LPP: variants seen among roughly 807,000 people sequenced by gnomAD.
LPP encodes lipoma-preferred partner.
In LPP, 38 loss-of-function variants were observed where a neutral mutation model predicts 60.4. The ratio of observed to expected loss-of-function variants is 0.63; its 90% CI spans 0.49 to 0.83. The LOEUF (loss-of-function observed/expected upper bound fraction) is 0.83, where lower values mean the gene tolerates loss of function less well. LPP is among the 40% of genes least tolerant of loss of function. The pLI is 0.00. For missense variants in LPP, 902 were observed against 783.6 expected (o/e 1.15, Z -1.80); for synonymous variants, 328 against 290.8 (o/e 1.13, Z -1.30).
At chr3:188,625,859 A>T (rs547836842) in intron 7 of LPP, among the ~76,000 whole-genome samples, 1 of 152,318 alleles carries the variant, frequency 6.6e-6, no homozygotes, top group East Asian at 1.9e-4. Flanking sequence ...TGATTAAATG[A>T]TTCAAGTCTG....
Position 188,580,731 on chromosome 3 carries a change from A to G in LPP, c.430-28430A>G, listed in dbSNP as rs576670135. ...ATATGATGGATGATGGCTACAGAAA[A>G]TAGTGCCAGAAAAACAGAATCAGTA... On this transcript the variant is annotated intron_variant, in intron 6 of 11. Transcript: ENST00000617246. Among the ~76,000 whole-genome samples the G allele has an allele frequency of 6.6e-5, 10 of 152,348 alleles. No homozygotes were observed. In the East Asian group the frequency reaches 1.7e-3, roughly 26 times the overall value.
At chr3:188,760,409 G>GGTGTGTGTGTGTGTGTGTGTGTGT (rs3841956) in intron 9 of LPP, 127 bp downstream of exon 9, 3 of 602,708 alleles carry the variant, frequency 5.0e-6, no homozygotes, top group African/African-American at 3.9e-5. Context: ...GTGTGTGTGG[G>GGTGTGTGTGTGTGTGTGTGTGTGT]GTGTGTGTGT....
intron 6 of LPP, among the ~76,000 whole-genome samples, chr3:188,563,341 C>G (rs1338141187): frequency 6.6e-6 from 1 of 151,708 alleles, no homozygotes; most frequent in Non-Finnish European, 1.5e-5. Context: ...CCCTCAGTAC[C>G]CATTCATTTT....
intron 7 of LPP, among the ~76,000 whole-genome samples, chr3:188,617,503 A>G (rs931402928): frequency 2.6e-5 from 4 of 152,110 alleles, no homozygotes; most frequent in South Asian, 2.1e-4. Context: ...ATAATAGAAA[A>G]TGGTTCCGAT....
intron 8 of LPP, among the ~76,000 whole-genome samples, chr3:188,749,705 T>C (rs1312380805): frequency 6.6e-6 from 1 of 152,226 alleles, no homozygotes; most frequent in African/African-American, 2.4e-5. Context: ...GATAATTGTC[T>C]CATTTAGCTT....
intron 1 of LPP, among the ~76,000 whole-genome samples, chr3:188,196,278 A>G (rs926360317): frequency 6.6e-6 from 1 of 152,144 alleles, no homozygotes. Context: ...CCACACTCCT[A>G]CATGCCTTTT....
At chr3:188,547,205 G>A (rs993092437) in intron 6 of LPP, among the ~76,000 whole-genome samples, 1 of 152,160 alleles carries the variant, frequency 6.6e-6, no homozygotes, top group African/African-American at 2.4e-5. Flanking sequence ...AGGAAGGCAC[G>A]TAGATATGTT....
At chr3:188,619,405 CTG>C (rs1364846257) in intron 7 of LPP, among the ~76,000 whole-genome samples, 1 of 152,242 alleles carries the variant, frequency 6.6e-6, no homozygotes, top group African/African-American at 2.4e-5. Context: ...TAGAAGACAA[CTG>C]AGGCTGGTGG....
At chr3:188,736,288 A>G (rs1275621831) in intron 8 of LPP, among the ~76,000 whole-genome samples, 1 of 152,084 alleles carries the variant, frequency 6.6e-6, no homozygotes, top group African/African-American at 2.4e-5. Context: ...AAAAATATGT[A>G]AGAATAATAT....
intron 4 of LPP, among the ~76,000 whole-genome samples, chr3:188,422,605 A>C (rs908763815): frequency 4.6e-5 from 7 of 152,314 alleles, no homozygotes; most frequent in Middle Eastern, 3.4e-3. Flanking sequence ...TTTTACAAAA[A>C]GAATAGAAAA....
At chr3:188,868,861 GAAGGAGAGAGATAC>G (rs1327563823) in intron 10 of LPP, among the ~76,000 whole-genome samples, 3 of 152,208 alleles carry the variant, frequency 2.0e-5, no homozygotes, top group African/African-American at 2.4e-5. Context: ...ATTAAATGCT[GAAGGAGAGAGATAC>G]AAGGAGAGAA....
intron 9 of LPP, among the ~76,000 whole-genome samples, chr3:188,835,239 C>G (rs368627352): frequency 4.7e-5 from 7 of 150,142 alleles, no homozygotes; most frequent in South Asian, 4.2e-4. Flanking sequence ...GGGCAGATCA[C>G]TTGAGGTCAG....
At chr3:188,439,424 A>G (rs1376018404) in intron 4 of LPP, among the ~76,000 whole-genome samples, 11 of 152,258 alleles carry the variant, frequency 7.2e-5, no homozygotes, top group African/African-American at 1.7e-4. Context: ...GCCTTGGCAG[A>G]GAGTAAAACA....
intron 9 of LPP, among the ~76,000 whole-genome samples, chr3:188,852,069 C>T (rs1050080994): frequency 3.3e-5 from 5 of 152,162 alleles, no homozygotes; most frequent in African/African-American, 9.7e-5. Context: ...GAGGCTGAGG[C>T]ATGAGAATCA....
intron 9 of LPP, among the ~76,000 whole-genome samples, chr3:188,770,116 G>A (rs1447290053): frequency 6.9e-6 from 1 of 144,396 alleles, no homozygotes; most frequent in African/African-American, 2.5e-5. Flanking sequence ...TAAAAGGACA[G>A]AAAGAAAATA....
intron 2 of LPP, among the ~76,000 whole-genome samples, chr3:188,245,036 C>A (rs1726380114): frequency 6.6e-6 from 1 of 152,104 alleles, no homozygotes; most frequent in Non-Finnish European, 1.5e-5. Context: ...TTTTTGTCCT[C>A]TTCTTTGCAC....
At chr3:188,438,566 A>G (rs1452348419) in intron 4 of LPP, among the ~76,000 whole-genome samples, 2 of 152,174 alleles carry the variant, frequency 1.3e-5, no homozygotes, top group Admixed American at 6.6e-5. Flanking sequence ...ACGTGTAGTA[A>G]CTACACTGTT....
At chr3:188,822,241 C>G (rs980563642) in intron 9 of LPP, among the ~76,000 whole-genome samples, 1 of 151,882 alleles carries the variant, frequency 6.6e-6, no homozygotes. Context: ...TGAAATGAAG[C>G]AACATTGGAG....
At chr3:188,320,613 C>T (rs1246982357) in intron 2 of LPP, among the ~76,000 whole-genome samples, 1 of 152,206 alleles carries the variant, frequency 6.6e-6, no homozygotes, top group Non-Finnish European at 1.5e-5. Context: ...CAGCCATTCA[C>T]TGTTCAGGAC....
Sources: gnomAD v4.1 joint callset for allele counts (sites outside exome capture counted in the v4.1 genomes callset) on GRCh38, gnomAD v4.1.1 for gene constraint, MANE v1.5 for transcripts, NCBI Gene and HGNC (gene_info 2026-07-23, HGNC 2026-07-21) for gene names.